VPS13B: variants seen among roughly 807,000 people sequenced by gnomAD.
VPS13B encodes the protein vacuolar protein sorting 13 homolog B, also known as intermembrane lipid transfer protein VPS13B.
In VPS13B, 285 loss-of-function variants were observed where a neutral mutation model predicts 426.4. That is an observed-to-expected ratio of 0.67 (90% CI 0.61 to 0.74). The LOEUF (loss-of-function observed/expected upper bound fraction) is 0.74, where lower values mean the gene tolerates loss of function less well. Among genes scored for constraint, VPS13B ranks in the 30% least tolerant of loss-of-function variants. The pLI is 0.00. For synonymous variants in VPS13B, 1,676 were observed against 1,676.4 expected, an observed-to-expected ratio of 1.00 and a Z score of 0.01; for missense variants, 4,537 against 4,782.6, an observed-to-expected ratio of 0.95 and a Z score of 1.51.
chr8:99,132,834 T>C (rs906798990), intron 8 of VPS13B, among the ~76,000 whole-genome samples: 1 of 152,134 alleles, frequency 6.6e-6, no homozygotes, highest in African/African-American at 2.4e-5. Flanking sequence ...GAGAAGTAGG[T>C]TTCCATAGGC....
intron 17 of VPS13B, among the ~76,000 whole-genome samples, chr8:99,246,802 A>T (rs1817243181): frequency 6.6e-6 from 1 of 151,078 alleles, no homozygotes; most frequent in African/African-American, 2.4e-5. Flanking sequence ...GGAGGTGGAG[A>T]TCTCACCACT....
At chr8:99,700,705 G>A (rs1832233942) in intron 36 of VPS13B, among the ~76,000 whole-genome samples, 1 of 152,180 alleles carries the variant, frequency 6.6e-6, no homozygotes, top group African/African-American at 2.4e-5. Context: ...TGACTAAATT[G>A]TTATATACTT....
intron 51 of VPS13B, among the ~76,000 whole-genome samples, chr8:99,827,207 T>C (rs998350650): frequency 2.6e-5 from 4 of 152,180 alleles, no homozygotes; most frequent in Non-Finnish European, 5.9e-5. Context: ...TCCTGCGCAT[T>C]TTTGGTTGGT....
chr8:99,183,081 G>A (rs1182761996), intron 16 of VPS13B, among the ~76,000 whole-genome samples: 1 of 152,164 alleles, frequency 6.6e-6, no homozygotes, highest in Non-Finnish European at 1.5e-5. Flanking sequence ...GGAAAAAAAA[G>A]AGGAGGAAGA....
At chr8:99,225,539 T>A (rs1002964565) in intron 17 of VPS13B, among the ~76,000 whole-genome samples, 4 of 152,180 alleles carry the variant, frequency 2.6e-5, no homozygotes, top group Non-Finnish European at 4.4e-5. Flanking sequence ...GCCTAACTGT[T>A]ATTTTCTAAT....
In VPS13B at chr8:99,050,372, T is replaced by C. The variant is rs189570360; in HGVS notation, c.291+11806T>C. 3.2e-3 allele frequency among the ~76,000 whole-genome samples: 483 copies of C among 152,328 alleles called. 2 individuals carry two copies. The highest frequency in any genetic ancestry group is 0.01 in the African/African-American group (427 of 41,568). On this transcript the variant is annotated intron_variant, in intron 3 of 61. Coordinates refer to ENST00000357162, the MANE Select transcript of VPS13B (RefSeq NM_152564.5). ...CTACAAAGGACATGAACTCATCCTT[T>C]TTTATGGGAGCATAGTATTCAATCG...
intron 58 of VPS13B, among the ~76,000 whole-genome samples, chr8:99,863,711 C>T (rs545578694): frequency 3.3e-5 from 5 of 152,254 alleles, no homozygotes; most frequent in South Asian, 2.1e-4. Flanking sequence ...TCCTGTTGAC[C>T]GGGTAAGTCA....
intron 21 of VPS13B, among the ~76,000 whole-genome samples, chr8:99,421,193 T>C (rs1816348760): frequency 1.3e-5 from 2 of 152,222 alleles, no homozygotes; most frequent in Non-Finnish European, 1.5e-5. Context: ...AATCATATTG[T>C]ACCAAGTTGA....
intron 31 of VPS13B, among the ~76,000 whole-genome samples, chr8:99,558,247 A>T (rs1400467571): frequency 6.6e-6 from 1 of 152,162 alleles, no homozygotes; most frequent in Non-Finnish European, 1.5e-5. Flanking sequence ...TAAGGCCTAC[A>T]AAAGATAAAT....
intron 14 of VPS13B, among the ~76,000 whole-genome samples, chr8:99,148,887 G>A (rs896705403): frequency 6.6e-6 from 1 of 152,210 alleles, no homozygotes; most frequent in African/African-American, 2.4e-5. Context: ...GTAGCTTAGC[G>A]CATATGTGGA....
rs1482705787 is a variant in VPS13B, at chr8:99,728,986, T to A, written c.7050+7939T>A. 3.3e-5 allele frequency among the ~76,000 whole-genome samples: 5 copies of A among 152,178 alleles called. No homozygotes were observed. In the East Asian group the frequency reaches 7.7e-4, roughly 23 times the overall value. On this transcript the variant is annotated intron_variant, in intron 39 of 61. Transcript: ENST00000357162. ...AACAGACTTTTTTTTTCTCCCTTTC[T>A]TCTTAGGCCACCCAGTACTTTCCCC...
chr8:99,429,648 G>GT (rs921303300), intron 21 of VPS13B: 11 of 152,166 alleles, frequency 7.2e-5, no homozygotes, highest in Non-Finnish European at 1.3e-4. Flanking sequence ...TAATCCATCA[G>GT]TAAGTCTTAT....
intron 44 of VPS13B, among the ~76,000 whole-genome samples, chr8:99,812,849 G>T (rs1028162072): frequency 6.6e-6 from 1 of 151,948 alleles, no homozygotes; most frequent in African/African-American, 2.4e-5. Context: ...ATTCTTCTTG[G>T]CACTGATCTA....
chr8:99,678,224 A>G (rs1469637739), intron 35 of VPS13B, among the ~76,000 whole-genome samples: 1 of 151,994 alleles, frequency 6.6e-6, no homozygotes, highest in Non-Finnish European at 1.5e-5. Context: ...TCCTCTCACA[A>G]TTTACTACCA....
At chr8:99,846,760 A>G (rs1300606531) in intron 54 of VPS13B, among the ~76,000 whole-genome samples, 7 of 152,230 alleles carry the variant, frequency 4.6e-5, no homozygotes, top group Non-Finnish European at 1.0e-4. Flanking sequence ...AACAGAAACC[A>G]TCACCTTACC....
chr8:99,299,939 A>G (rs1038814963), intron 19 of VPS13B, among the ~76,000 whole-genome samples: 5 of 152,182 alleles, frequency 3.3e-5, no homozygotes, highest in African/African-American at 1.2e-4. Flanking sequence ...AAGTAAATTT[A>G]TACTTAACAT....
chr8:99,805,220 T>C (rs1162803305), intron 43 of VPS13B, among the ~76,000 whole-genome samples: 1 of 150,950 alleles, frequency 6.6e-6, no homozygotes, highest in Non-Finnish European at 1.5e-5. Flanking sequence ...CGTATTACTG[T>C]AGGGTAAATT....
intron 21 of VPS13B, among the ~76,000 whole-genome samples, chr8:99,420,936 A>G (rs1174942566): frequency 1.3e-5 from 2 of 152,138 alleles, no homozygotes; most frequent in Non-Finnish European, 2.9e-5. Flanking sequence ...TACATAATCA[A>G]TGATTAGTTA....
chr8:99,457,774 G>C (rs1186459249), intron 23 of VPS13B, among the ~76,000 whole-genome samples: 1 of 151,714 alleles, frequency 6.6e-6, no homozygotes, highest in Non-Finnish European at 1.5e-5. Context: ...CAGAAATTGT[G>C]ATATGTTTAC....
Sources: gnomAD v4.1 joint callset for allele counts (sites outside exome capture counted in the v4.1 genomes callset) on GRCh38, gnomAD v4.1.1 for gene constraint, MANE v1.5 for transcripts, NCBI Gene and HGNC (gene_info 2026-07-23, HGNC 2026-07-21) for gene names.